BCL9L: variants seen among roughly 807,000 people sequenced by gnomAD.
The protein encoded by BCL9L is BCL9 like.
In BCL9L, 19 loss-of-function variants were observed where a neutral mutation model predicts 99.4. The ratio of observed to expected loss-of-function variants is 0.19; its 90% CI spans 0.13 to 0.28. The LOEUF (loss-of-function observed/expected upper bound fraction) is 0.28. Among genes scored for constraint, BCL9L ranks in the 10% least tolerant of loss-of-function variants. BCL9L has a pLI of 1.00. For synonymous variants in BCL9L, 900 were observed against 854.8 expected, an observed-to-expected ratio of 1.05 and a Z score of -0.92; for missense variants, 2,023 against 2,101.6, an observed-to-expected ratio of 0.96 and a Z score of 0.73.
chr11:118,900,131 G>C lies in BCL9L; in HGVS notation c.3192C>G (p.Leu1064=). ...AAGTGAATGGTAGGCTGGGGTTCAT[G>C]AGGCCGCTGGGAGGGTTGGCGGGAG... The part of the protein sequence containing the change: ...SAPPANPPSG[L]MNPSLPFTSS... Residue 1064 remains leucine, a synonymous_variant, in exon 9 of 10, where the codon CTC becomes CTG. Transcript: ENST00000683865. This position sits in a 1 kb window ranked among gnomAD's most constrained non-coding sequence, Gnocchi z 5.3. 6.2e-7 allele frequency: 1 copy of C among 1,613,494 alleles called. No homozygotes were observed. The highest frequency in any genetic ancestry group is 1.1e-5 in the South Asian group (1 of 91,082).
chr11:118,917,372 C>T (rs7929825), intron 2 of BCL9L, among the ~76,000 whole-genome samples: 34 of 152,144 alleles, frequency 2.2e-4, no homozygotes, highest in Admixed American at 3.3e-4. Flanking sequence ...CACGTGCATC[C>T]TCTAGTTTAA....
chr11:118,905,653 C>T (rs1940483808), intron 5 of BCL9L, among the ~76,000 whole-genome samples: 3 of 150,818 alleles, frequency 2.0e-5, no homozygotes, highest in Middle Eastern at 3.3e-3. Context: ...TCCACCTCTG[C>T]TAAAAATACA....
Position 118,899,057 on chromosome 11 carries a change from A to G in BCL9L, c.3858T>C (p.Ala1286=). The G allele has an allele frequency of 1.2e-6, 2 of 1,612,176 alleles. No individual in the cohort carries two copies. Among genetic ancestry groups the G allele is most frequent in the Non-Finnish European group, 1.7e-6 (2 of 1,179,418 alleles). ...PQQHLMGKAM[A]GRMGDAYPPG... ...GTGGGTATGCGTCGCCCATGCGCCC[A>G]GCCATGGCTTTGCCCATCAGGTGCT... The change falls in exon 10 of 10, where the codon GCT becomes GCC. Residue 1286 remains alanine, a synonymous_variant. Coordinates refer to ENST00000683865, the MANE Select transcript of BCL9L (RefSeq NM_001378213.1).
rs574277827 is a variant in BCL9L, at chr11:118,900,827, A to T, written c.2916T>A (p.Pro972=). Residue 972 remains proline (P), a synonymous_variant, in exon 8 of 10, where the codon CCT becomes CCA. Coordinates refer to ENST00000683865, the MANE Select transcript of BCL9L (RefSeq NM_001378213.1). This position sits in a 1 kb window ranked among gnomAD's most constrained non-coding sequence, Gnocchi z 5.3. ...AGCCGAGGACCTGGGGCGACTTGAG[A>T]GGTCCTGGCGGGTTGGCAGAAGGCA... is the stretch of plus-strand genomic sequence containing the variant. ...VPLPSANPPG[P]LKSPQVLGSS... 1 of 1,613,702 alleles carries T rather than the reference A, an allele frequency of 6.2e-7. No individual in the cohort carries two copies. Among genetic ancestry groups the T allele is most frequent in the Non-Finnish European group, 8.5e-7 (1 of 1,179,842 alleles).
At position 118,907,591 on chromosome 11, in the gene BCL9L, G is replaced by A. The variant is rs748451382; in HGVS notation, c.424C>T (p.Arg142Trp). ...LDSEAKEVAP[R>W]SKRRCVLERK... is the part of the protein sequence containing the mutation. ...TCCAGCACACAGCGCCGCTTACTCC[G>A]CGGCGCCACCTCTGCCCAGGCAGGA... The change falls in exon 5 of 10, where the codon CGG becomes TGG. Residue 142 changes from arginine to tryptophan, a missense_variant. Coordinates refer to ENST00000683865, the MANE Select transcript of BCL9L (RefSeq NM_001378213.1). 9 of 1,613,162 alleles carry A rather than the reference G, an allele frequency of 5.6e-6. No individual in the cohort carries two copies. The highest frequency in any genetic ancestry group is 1.7e-5 in the Admixed American group (1 of 60,034).
chr11:118,909,770 C>T (rs1940702069), intron 3 of BCL9L, 144 bp downstream of exon 3: 2 of 1,360,710 alleles, frequency 1.5e-6, no homozygotes, highest in Admixed American at 2.0e-5. Flanking sequence ...ATGCTAACCC[C>T]CCTTTAGCCC....
At position 118,900,605 on chromosome 11, in the gene BCL9L, C is replaced by T. The variant is rs755598187; in HGVS notation, c.3124+14G>A. 1.0e-5 allele frequency: 16 copies of T among 1,587,252 alleles called. No homozygotes were observed. Among genetic ancestry groups the T allele is most frequent in the Admixed American group, 5.1e-5 (3 of 58,364 alleles). On this transcript the variant is annotated intron_variant, in intron 8 of 9. Coordinates refer to ENST00000683865, the MANE Select transcript of BCL9L (RefSeq NM_001378213.1). This position sits in a 1 kb window ranked among gnomAD's most constrained non-coding sequence, Gnocchi z 5.3. ...GCCTGCCTGCCTGCCTGCCTGCCTG[C>T]GCAATTGACTCACCCTGTTCCATGT...
At chr11:118,899,552 C>T (rs779663769) in intron 9 of BCL9L, 44 bp from the exon 10 acceptor site, 7 of 1,593,800 alleles carry the variant, frequency 4.4e-6, no homozygotes, top group Non-Finnish European at 6.0e-6. Flanking sequence ...GTGTGCCCAG[C>T]TCGGGGAGGG....
At chr11:118,920,795 C>G (rs1391740055) in intron 1 of BCL9L, among the ~76,000 whole-genome samples, 1 of 152,194 alleles carries the variant, frequency 6.6e-6, no homozygotes, top group Non-Finnish European at 1.5e-5. Context: ...CTCCACTGCA[C>G]CACTCTCTCT....
chr11:118,899,180 C>T lies in BCL9L; in HGVS notation c.3735G>A (p.Gly1245=), dbSNP rs532157220. 55 of 1,485,758 alleles carry T rather than the reference C, an allele frequency of 3.7e-5. 1 individual carries two copies. In the African/African-American group the frequency reaches 6.7e-4, roughly 18 times the overall value. 92.0% of individuals were successfully genotyped at this position (1,485,758 alleles called of 1,614,324 possible). The stretch of plus-strand genomic sequence containing the variant: ...GCTGCTGCAGGCCAGGCCCCCCGCC[C>T]CCACCCCCAGTGGGGGCCATGGCAC... ...PHGAMAPTGG[G]GGGPGLQQHY... is the part of the protein sequence containing the mutation. Residue 1245 remains glycine (G), a synonymous_variant, in exon 10 of 10, where the codon GGG becomes GGA. Transcript: ENST00000683865.
chr11:118,915,463 G>T (rs1055639253), intron 2 of BCL9L, among the ~76,000 whole-genome samples: 7 of 152,178 alleles, frequency 4.6e-5, no homozygotes, highest in Admixed American at 1.3e-4. Context: ...CATATTAGTG[G>T]TACCAAGTAA....
At chr11:118,906,388 G>A (rs1940520528) in intron 5 of BCL9L, among the ~76,000 whole-genome samples, 1 of 152,126 alleles carries the variant, frequency 6.6e-6, no homozygotes, top group African/African-American at 2.4e-5. Flanking sequence ...ACTGATACAG[G>A]ATGGTCTGTG....
In BCL9L at chr11:118,902,227, G is replaced by C. The variant is rs763661537; in HGVS notation, c.1516C>G (p.Gln506Glu). The C allele has an allele frequency of 6.2e-7, 1 of 1,612,748 alleles. No individual in the cohort carries two copies. The highest frequency in any genetic ancestry group is 1.1e-5 in the South Asian group (1 of 90,964). Residue 506 changes from glutamine to glutamate, a missense_variant, in exon 8 of 10, where the codon CAG becomes GAG. Coordinates refer to ENST00000683865, the MANE Select transcript of BCL9L (RefSeq NM_001378213.1). This position sits in a 1 kb window ranked among gnomAD's most constrained non-coding sequence, Gnocchi z 7.8. ...DMGQQMNMMIQRLGQDSLTPE... is the reference protein window; with the variant it reads ...DMGQQMNMMIERLGQDSLTPE... ...GTGAGGCTGTCCTGGCCCAGCCTCT[G>C]TATCATCATGTTCATCTGCTGCCCC...
chr11:118,898,322 C>T lies in BCL9L; in HGVS notation c.*93G>A, dbSNP rs1417583271. The T allele has an allele frequency of 1.7e-6, 2 of 1,187,930 alleles. No individual in the cohort carries two copies. The highest frequency in any genetic ancestry group is 1.6e-5 in the South Asian group (1 of 61,466). The allele number at this position is 1,187,930 out of a possible 1,614,324, so 73.6% of individuals were successfully genotyped here. A position where few individuals can be genotyped will look rare whatever the true frequency, so the allele number is the denominator to read the frequency against. The stretch of plus-strand genomic sequence containing the variant: ...CCCTCCCACCCCCTCCACCCCACCC[C>T]GCGACCCAGGCCATCCCAACATTGA... On this transcript the variant is annotated 3_prime_UTR_variant, in exon 10 of 10. Transcript: ENST00000683865.
chr11:118,920,488 A>AT (rs1379378644), intron 1 of BCL9L, among the ~76,000 whole-genome samples: 1 of 152,108 alleles, frequency 6.6e-6, no homozygotes, highest in Non-Finnish European at 1.5e-5. Context: ...TTGTTTAGCT[A>AT]TTTGACCCTA....
At position 118,902,992 on chromosome 11, in the gene BCL9L, G is replaced by C; in HGVS notation, c.832C>G (p.Gln278Glu). 6.3e-7 allele frequency: 1 copy of C among 1,595,726 alleles called. No homozygotes were observed. The highest frequency in any genetic ancestry group is 8.5e-7 in the Non-Finnish European group (1 of 1,175,054). Reference protein sequence around the residue: ...QQNVPRAKLDQAPKVPPTPEP... With the variant: ...QQNVPRAKLDEAPKVPPTPEP... ...GCTCACAGAGGCGCCACGCTCACCT[G>C]GTCAAGCTTGGCCCGGGGCACGTTC... Residue 278 changes from glutamine to glutamate, a missense_variant and splice_region_variant, in exon 7 of 10, where the codon CAG (glutamine) becomes GAG (glutamate). Around this residue, in one of 3 missense-constraint regions of BCL9L, gnomAD observed 1,116 missense variants for 1,194.6 expected, o/e 0.93. Transcript: ENST00000683865. The surrounding 1 kb of genome is among the most constrained non-coding windows in gnomAD (Gnocchi z 7.8).
chr11:118,920,925 AT>A (rs1307353915), intron 1 of BCL9L, among the ~76,000 whole-genome samples: 1 of 152,114 alleles, frequency 6.6e-6, no homozygotes, highest in African/African-American at 2.4e-5. Context: ...TACCCCAGAC[AT>A]GTTCCCAGGG....
Position 118,901,251 on chromosome 11 carries a change from C to T in BCL9L, c.2492G>A (p.Gly831Asp), listed in dbSNP as rs1409000106. The stretch of plus-strand genomic sequence containing the variant: ...TGAAGGCATCAGCATCTTCTGCGGG[C>T]CGCCCATCACGCCACTGCTGTTCTG... ...RAQNSSGVMGGPQKMLMPSQF... is the reference protein window; with the variant it reads ...RAQNSSGVMGDPQKMLMPSQF... Residue 831 changes from glycine to aspartate, a missense_variant, in exon 8 of 10, where the codon GGC becomes GAC. By Grantham distance (94) the Gly-to-Asp change is moderately conservative. Coordinates refer to ENST00000683865, the MANE Select transcript of BCL9L (RefSeq NM_001378213.1). This position sits in a 1 kb window ranked among gnomAD's most constrained non-coding sequence, Gnocchi z 6.6. The T allele has an allele frequency of 1.2e-6, 2 of 1,614,032 alleles. No homozygotes were observed. The highest frequency in any genetic ancestry group is 1.1e-5 in the South Asian group (1 of 91,084).
At position 118,899,176 on chromosome 11, in the gene BCL9L, C is replaced by T. The variant is rs776458715; in HGVS notation, c.3739G>A (p.Gly1247Arg). 11 of 1,483,286 alleles carry T rather than the reference C, an allele frequency of 7.4e-6. No individual in the cohort carries two copies. In the Admixed American group the frequency reaches 9.7e-5, roughly 13 times the overall value. 91.9% of individuals were successfully genotyped at this position (1,483,286 alleles called of 1,614,324 possible). ...TAGTGCTGCTGCAGGCCAGGCCCCCCGCCCCCACCCCCAGTGGGGGCCATG... is the reference window on the plus strand; with the variant it reads ...TAGTGCTGCTGCAGGCCAGGCCCCCTGCCCCCACCCCCAGTGGGGGCCATG... The part of the protein sequence containing the change: ...GAMAPTGGGG[G>R]GPGLQQHYPS... The change falls in exon 10 of 10, where the codon GGG (glycine) becomes AGG (arginine). Residue 1247 changes from glycine to arginine, a missense_variant. By Grantham distance (125) the Gly-to-Arg change is moderately radical. Transcript: ENST00000683865.
Sources: gnomAD v4.1 joint callset for allele counts (sites outside exome capture counted in the v4.1 genomes callset) on GRCh38, gnomAD v4.1.1 for gene constraint, gnomAD v4.1.1 regional missense constraint, Gnocchi (gnomAD v3.1) non-coding constraint, MANE v1.5 for transcripts, NCBI Gene and HGNC (gene_info 2026-07-23, HGNC 2026-07-21) for gene names.